The following PCBP4 variants were observed in gnomAD, a reference collection of about 807,000 sequenced individuals.
The protein encoded by PCBP4 is poly(rC)-binding protein 4.
PCBP4 carries 24 observed loss-of-function variants against 46.2 expected under a neutral mutation model. The ratio of observed to expected loss-of-function variants is 0.52; its 90% confidence interval spans 0.38 to 0.73. The LOEUF (loss-of-function observed/expected upper bound fraction) is 0.73, where lower values mean the gene tolerates loss of function less well. Ranked by LOEUF, PCBP4 falls within the 30% of genes least tolerant of loss-of-function variation. The probability of loss-of-function intolerance (pLI) is 0.00; values close to 1 mark genes in which losing one functional copy is unlikely to be tolerated. For synonymous variants in PCBP4, 203 were observed against 224.4 expected (o/e 0.90, Z 0.85); for missense variants, 407 against 537.0 (o/e 0.76, Z 2.39).
Position 51,957,963 on chromosome 3 carries a change from GT to G in PCBP4, c.*97del. On this transcript the variant is annotated 3_prime_UTR_variant, in exon 14 of 14. Transcript: ENST00000461554. ...ATCCATGCGTCTGGGCGTTAGCGGC[GT>G]TTGGGACCCCAGGGTGGAGTCTCCT... 1 of 1,193,414 alleles carries G rather than the reference GT, an allele frequency of 8.4e-7. No homozygotes were observed. The highest frequency in any genetic ancestry group is 1.2e-6 in the Non-Finnish European group (1 of 856,218). The allele number at this position is 1,193,414 out of a possible 1,614,324, so 73.9% of individuals were successfully genotyped here.
chr3:51,959,772 C>T lies in PCBP4; in HGVS notation c.517-121G>A. The T allele has an allele frequency of 6.8e-7, 1 of 1,479,188 alleles. No homozygotes were observed. The highest frequency in any genetic ancestry group is 1.4e-5 in the African/African-American group (1 of 71,828). 91.6% of individuals were successfully genotyped at this position (1,479,188 alleles called of 1,614,324 possible). A position where few individuals can be genotyped will look rare whatever the true frequency, so the allele number is the denominator to read the frequency against. On this transcript the variant is annotated intron_variant, in intron 8 of 13. Transcript: ENST00000461554. The surrounding 1 kb of genome is among the most constrained non-coding windows in gnomAD (Gnocchi z 5.6). Reference sequence around the variant, plus strand: ...GGAAATGCACATGATCCCTGGAGCTCATCATCCATCCCTGCAGCCCTGCCC... The same window carrying T: ...GGAAATGCACATGATCCCTGGAGCTTATCATCCATCCCTGCAGCCCTGCCC...
At chr3:51,962,474 C>G (rs1017383870) in intron 1 of PCBP4, among the ~76,000 whole-genome samples, 1 of 152,134 alleles carries the variant, frequency 6.6e-6, no homozygotes, top group African/African-American at 2.4e-5. Context: ...GGACCAGAAC[C>G]CTATGGGGAA....
chr3:51,960,806 G>T lies in PCBP4; in HGVS notation c.138+60C>A, dbSNP rs918123740. ...AAGGAGTGGTTCAGAGAGAAAGTGG[G>T]GCAGGGATCTCCCCTCCACATCAGG... On this transcript the variant is annotated intron_variant, in intron 5 of 13. Transcript: ENST00000461554. The surrounding 1 kb of genome is among the most constrained non-coding windows in gnomAD (Gnocchi z 5.0). 6 of 1,575,954 alleles carry T rather than the reference G, an allele frequency of 3.8e-6. No individual in the cohort carries two copies. The highest frequency in any genetic ancestry group is 5.2e-6 in the Non-Finnish European group (6 of 1,145,572).
chr3:51,959,741 C>G lies in PCBP4; in HGVS notation c.517-90G>C, dbSNP rs1700050495. On this transcript the variant is annotated intron_variant, in intron 8 of 13. Coordinates refer to ENST00000461554, the MANE Select transcript of PCBP4 (RefSeq NM_001174100.2). This position sits in a 1 kb window ranked among gnomAD's most constrained non-coding sequence, Gnocchi z 5.6. ...AGTGGCCTCAGGCCCCCACCATGAC[C>G]CCCAGGGAAATGCACATGATCCCTG... 2 of 1,464,922 alleles carry G rather than the reference C, an allele frequency of 1.4e-6. No homozygotes were observed. The highest frequency in any genetic ancestry group is 1.9e-6 in the Non-Finnish European group (2 of 1,075,806). The allele number at this position is 1,464,922 out of a possible 1,614,324, so 90.7% of individuals were successfully genotyped here. A position where few individuals can be genotyped will look rare whatever the true frequency, so the allele number is the denominator to read the frequency against.
In PCBP4 at chr3:51,958,113, G is replaced by A. The variant is rs1699908614; in HGVS notation, c.1160C>T (p.Ala387Val). Residue 387 changes from alanine (A) to valine (V), a missense_variant, in exon 14 of 14, where the codon GCA becomes GTA. Physicochemically the swap from Ala to Val is moderately conservative, Grantham distance 64. Transcript: ENST00000461554. This position sits in a 1 kb window ranked among gnomAD's most constrained non-coding sequence, Gnocchi z 5.4. ...AGCCTTCTTGCTCCCATTAGCTGCT[G>A]CCATCTTGGCAGTGTAGGCCGCCAA... ...PGLAAYTAKM[A>V]AANGSKKAER... 1.3e-6 allele frequency: 2 copies of A among 1,597,104 alleles called. No individual in the cohort carries two copies. Among genetic ancestry groups the A allele is most frequent in the Non-Finnish European group, 1.7e-6 (2 of 1,172,906 alleles).
chr3:51,962,696 A>C (rs1263406394), intron 1 of PCBP4: 1 of 152,230 alleles, frequency 6.6e-6, no homozygotes, highest in Admixed American at 6.5e-5. Flanking sequence ...CCCTCTTCTG[A>C]ACTCCCCTTG....
rs967966486 is a variant in PCBP4 at position 51,959,744 on chromosome 3, C to T, written c.517-93G>A. ...GGCCTCAGGCCCCCACCATGACCCCCAGGGAAATGCACATGATCCCTGGAG... is the reference window on the plus strand; with the variant it reads ...GGCCTCAGGCCCCCACCATGACCCCTAGGGAAATGCACATGATCCCTGGAG... On this transcript the variant is annotated intron_variant, in intron 8 of 13. Transcript: ENST00000461554. This position sits in a 1 kb window ranked among gnomAD's most constrained non-coding sequence, Gnocchi z 5.6. 3.9e-5 allele frequency: 57 copies of T among 1,460,458 alleles called. No individual in the cohort carries two copies. Among genetic ancestry groups the T allele is most frequent in the Middle Eastern group, 1.8e-4 (1 of 5,560 alleles). 90.5% of individuals were successfully genotyped at this position (1,460,458 alleles called of 1,614,324 possible).
At chr3:51,965,853 T>C (rs902159058) in intron 1 of PCBP4, among the ~76,000 whole-genome samples, 2 of 151,594 alleles carry the variant, frequency 1.3e-5, no homozygotes, top group African/African-American at 4.9e-5. Context: ...ATTTGGGCTG[T>C]GCTTTAGGTT....
chr3:51,959,842 G>A lies in PCBP4; in HGVS notation c.516+53C>T. The A allele has an allele frequency of 6.4e-7, 1 of 1,553,034 alleles. No homozygotes were observed. Among genetic ancestry groups the A allele is most frequent in the Non-Finnish European group, 8.7e-7 (1 of 1,151,064 alleles). On this transcript the variant is annotated intron_variant, in intron 8 of 13. Coordinates refer to ENST00000461554, the MANE Select transcript of PCBP4 (RefSeq NM_001174100.2). This position sits in a 1 kb window ranked among gnomAD's most constrained non-coding sequence, Gnocchi z 5.6. The stretch of plus-strand genomic sequence containing the variant: ...GCATAGGGTTTGGGGTCCCCGACAA[G>A]GCAGACCCAGGGCCCATCTCCTGCC...
In PCBP4 at chr3:51,959,119, C is replaced by G; in HGVS notation, c.701-20G>C. On this transcript the variant is annotated intron_variant, in intron 11 of 13. Coordinates refer to ENST00000461554, the MANE Select transcript of PCBP4 (RefSeq NM_001174100.2). The surrounding 1 kb of genome is among the most constrained non-coding windows in gnomAD (Gnocchi z 5.6). The stretch of plus-strand genomic sequence containing the variant: ...CCAGTCCTGAGGGGGAGAAGAGGGA[C>G]TGAGTGTGGTTCTGGGCCTTTCCCG... The G allele has an allele frequency of 6.2e-7, 1 of 1,613,674 alleles. No homozygotes were observed. Among genetic ancestry groups the G allele is most frequent in the Non-Finnish European group, 8.5e-7 (1 of 1,179,818 alleles).
Position 51,957,859 on chromosome 3 carries a change from C to A in PCBP4, c.*202G>T, listed in dbSNP as rs1219627447. 1.9e-5 allele frequency: 9 copies of A among 469,218 alleles called. No homozygotes were observed. Among genetic ancestry groups the A allele is most frequent in the Non-Finnish European group, 3.0e-5 (8 of 268,824 alleles). 29.1% of individuals were successfully genotyped at this position (469,218 alleles called of 1,614,324 possible). On this transcript the variant is annotated 3_prime_UTR_variant, in exon 14 of 14. Transcript: ENST00000461554. ...AGGGCCCCCTGCCCTGGGGCTGCCG[C>A]AGCTCAGACCCCTGGGCCAGAAACT... is the stretch of plus-strand genomic sequence containing the variant.
rs200460927 is a variant in PCBP4, at chr3:51,958,067, G to A, written c.1206C>T (p.Pro402=). The change falls in exon 14 of 14, where the codon CCC becomes CCT. Residue 402 remains proline, a synonymous_variant. Coordinates refer to ENST00000461554, the MANE Select transcript of PCBP4 (RefSeq NM_001174100.2). The surrounding 1 kb of genome is among the most constrained non-coding windows in gnomAD (Gnocchi z 5.4). Reference sequence around the variant, plus strand: ...GCCTGTACCTCAGCTGGCCTCAGTAGGGGGAGAATTTCTGCCGCTCAGCCT... The same window carrying A: ...GCCTGTACCTCAGCTGGCCTCAGTAAGGGGAGAATTTCTGCCGCTCAGCCT... ...SKKAERQKFS[P]Y The A allele has an allele frequency of 3.2e-5, 50 of 1,549,260 alleles. No individual in the cohort carries two copies. Among genetic ancestry groups the A allele is most frequent in the Non-Finnish European group, 4.2e-5 (48 of 1,149,432 alleles).
rs369617118 is a variant in PCBP4, at chr3:51,958,238, C to G, written c.1035G>C (p.Leu345=). Residue 345 remains leucine (L), a synonymous_variant, in exon 14 of 14, where the codon CTG becomes CTC. Transcript: ENST00000461554. The surrounding 1 kb of genome is among the most constrained non-coding windows in gnomAD (Gnocchi z 5.4). ...LTALPTAPPG[L]LGTPYAISLS... ...GGGAGATGGCATAGGGTGTGCCCAG[C>G]AGGCCAGGGGGAGCTGTGGGCAGGG... 5.2e-5 allele frequency: 84 copies of G among 1,607,372 alleles called. No homozygotes were observed. Among genetic ancestry groups the G allele is most frequent in the Middle Eastern group, 3.3e-4 (2 of 6,056 alleles).
rs1254366903 is a variant in PCBP4, at chr3:51,959,104, G to A, written c.701-5C>T. The A allele has an allele frequency of 2.5e-6, 4 of 1,613,740 alleles. No homozygotes were observed. Among genetic ancestry groups the A allele is most frequent in the African/African-American group, 1.3e-5 (1 of 74,914 alleles). Reference sequence around the variant, plus strand: ...TCTGTGTGCCGGGATCCAGTCCTGAGGGGGAGAAGAGGGACTGAGTGTGGT... The same window carrying A: ...TCTGTGTGCCGGGATCCAGTCCTGAAGGGGAGAAGAGGGACTGAGTGTGGT... On this transcript the variant is annotated splice_polypyrimidine_tract_variant and splice_region_variant and intron_variant, in intron 11 of 13. Transcript: ENST00000461554. This position sits in a 1 kb window ranked among gnomAD's most constrained non-coding sequence, Gnocchi z 5.6.
In PCBP4 at chr3:51,960,850, C is replaced by G. The variant is rs375699179; in HGVS notation, c.138+16G>C. On this transcript the variant is annotated intron_variant, in intron 5 of 13. Coordinates refer to ENST00000461554, the MANE Select transcript of PCBP4 (RefSeq NM_001174100.2). This position sits in a 1 kb window ranked among gnomAD's most constrained non-coding sequence, Gnocchi z 5.0. ...CATCAGGTGCCCTGGGCTCCTCCCCCAAACTCCATCCTCACCTGCTCCCGG... is the reference window on the plus strand; with the variant it reads ...CATCAGGTGCCCTGGGCTCCTCCCCGAAACTCCATCCTCACCTGCTCCCGG... 14 of 1,613,904 alleles carry G rather than the reference C, an allele frequency of 8.7e-6. No individual in the cohort carries two copies. Among genetic ancestry groups the G allele is most frequent in the African/African-American group, 2.7e-5 (2 of 74,920 alleles).
chr3:51,961,095 G>A (rs1700148917), intron 3 of PCBP4, 62 bp from the exon 4 acceptor site: 17 of 1,613,946 alleles, frequency 1.1e-5, no homozygotes, highest in Non-Finnish European at 1.3e-5. Context: ...CCTCCCCACT[G>A]GGATACCCAG....
In PCBP4 at chr3:51,957,715, G is replaced by A. The variant is rs1365510085; in HGVS notation, c.*346C>T. The A allele has an allele frequency of 5.5e-6, 1 of 180,250 alleles. No homozygotes were observed. The highest frequency in any genetic ancestry group is 1.4e-4 in the East Asian group (1 of 6,972). 11.2% of individuals were successfully genotyped at this position (180,250 alleles called of 1,614,324 possible). On this transcript the variant is annotated 3_prime_UTR_variant, in exon 14 of 14. Transcript: ENST00000461554. ...GGGCCCTCCTCCCTGACTCCCACAA[G>A]GATGCAGTAGGCCAGGAAGCCCTAA...
In PCBP4 at chr3:51,958,947, C is replaced by T. The variant is rs1358161135; in HGVS notation, c.766G>A (p.Val256Met). Residue 256 changes from valine (V) to methionine (M), a missense_variant, in exon 13 of 14, where the codon GTG becomes ATG. By Grantham distance (21) the Val-to-Met change is conservative. Transcript: ENST00000461554. This position sits in a 1 kb window ranked among gnomAD's most constrained non-coding sequence, Gnocchi z 5.4. ...ATCTTGCTGCCCTGGCGCCCGATCA[C>T]ACAGCCAATCAACTAGAGGGAAGGC... is the stretch of plus-strand genomic sequence containing the variant. ...FLVPNDLIGC[V>M]IGRQGSKISE... 5 of 1,614,008 alleles carry T rather than the reference C, an allele frequency of 3.1e-6. No individual in the cohort carries two copies. Among genetic ancestry groups the T allele is most frequent in the Non-Finnish European group, 4.2e-6 (5 of 1,179,946 alleles).
At position 51,959,822 on chromosome 3, in the gene PCBP4, G is replaced by A. The variant is rs1015059089; in HGVS notation, c.516+73C>T. The A allele has an allele frequency of 1.4e-5, 22 of 1,545,662 alleles. No homozygotes were observed. The African/African-American group carries it at 2.6e-4, about 18-fold the overall frequency. On this transcript the variant is annotated intron_variant, in intron 8 of 13. Coordinates refer to ENST00000461554, the MANE Select transcript of PCBP4 (RefSeq NM_001174100.2). This position sits in a 1 kb window ranked among gnomAD's most constrained non-coding sequence, Gnocchi z 5.6. ...CTGCCCCACCTGCAGCACAGGCATA[G>A]GGTTTGGGGTCCCCGACAAGGCAGA...
Sources: allele counts gnomAD v4.1 joint callset (sites outside exome capture counted in the v4.1 genomes callset), GRCh38; gene constraint gnomAD v4.1.1; non-coding constraint Gnocchi (gnomAD v3.1); transcripts MANE v1.5; gene names NCBI Gene and HGNC (gene_info 2026-07-23, HGNC 2026-07-21).